The following MORC4 variants were observed in gnomAD, a reference collection of about 807,000 sequenced individuals.
MORC4 encodes MORC family CW-type zinc finger 4.
A neutral mutation model predicts 65.5 loss-of-function variants in MORC4; 22 were observed. The ratio of observed to expected loss-of-function variants is 0.34; its 90% CI spans 0.24 to 0.48. MORC4 has a LOEUF of 0.48. Among genes scored for constraint, MORC4 ranks in the 20% least tolerant of loss-of-function variants. The pLI is 0.99. For missense variants in MORC4, 624 were observed against 703.0 expected (o/e 0.89, Z 1.27); for synonymous variants, 267 against 255.8 (o/e 1.04, Z -0.42).
intron 2 of MORC4, among the ~76,000 whole-genome samples, chrX:106,998,940 A>G (rs1442604217): frequency 8.9e-6 from 1 of 112,377 alleles, no homozygotes; most frequent in African/African-American, 3.2e-5. Flanking sequence ...CGATTTTCAA[A>G]GCATGTATAA....
intron 9 of MORC4, among the ~76,000 whole-genome samples, chrX:106,964,492 C>A (rs915342161): frequency 1.8e-5 from 2 of 111,421 alleles, no homozygotes; most frequent in Non-Finnish European, 3.8e-5. Flanking sequence ...AAAAACTTCT[C>A]AAATTTGATG....
intron 2 of MORC4, among the ~76,000 whole-genome samples, chrX:106,994,186 A>G (rs1935033208): frequency 8.9e-6 from 1 of 111,938 alleles, no homozygotes; most frequent in African/African-American, 3.2e-5. Flanking sequence ...CACGTCCACA[A>G]CCCCAGGGGG....
chrX:106,974,017 T>C (rs1934575020), intron 9 of MORC4, among the ~76,000 whole-genome samples: 1 of 111,902 alleles, frequency 8.9e-6, no homozygotes, highest in Non-Finnish European at 1.9e-5. Context: ...TTCTGTGGTT[T>C]ATAGACAGAA....
Position 106,941,364 on chromosome X carries a change from G to GCATATAAGGCACTCTCTCA in MORC4, c.*114_*115insTGAGAGAGTGCCTTATATG. ...GAGATTCTCTATATAAGGCATAAAG[G>GCATATAAGGCACTCTCTCA]TGAGGGTGAGAGAGAGAGAGAGAGA... On this transcript the variant is annotated 3_prime_UTR_variant, in exon 17 of 17. Coordinates refer to ENST00000355610, the MANE Select transcript of MORC4 (RefSeq NM_024657.5). The GCATATAAGGCACTCTCTCA allele has an allele frequency of 2.1e-6, 1 of 474,908 alleles. No homozygotes were observed. 39.1% of individuals were successfully genotyped at this position (474,908 alleles called of 1,213,427 possible). A position where few individuals can be genotyped will look rare whatever the true frequency, so the allele number is the denominator to read the frequency against.
At chrX:106,986,590 T>A (rs907938348) in intron 3 of MORC4, among the ~76,000 whole-genome samples, 2 of 111,593 alleles carry the variant, frequency 1.8e-5, no homozygotes, top group African/African-American at 6.5e-5. Context: ...GTGAAAAATG[T>A]AGTTATCTAG....
chrX:106,952,226 A>G (rs1402459817), intron 14 of MORC4, among the ~76,000 whole-genome samples: 7 of 110,920 alleles, frequency 6.3e-5, no homozygotes, highest in African/African-American at 2.3e-4. Flanking sequence ...CAATTTCCTC[A>G]TCGTGCAAAC....
chrX:106,987,229 G>A (rs1332174009), intron 3 of MORC4, among the ~76,000 whole-genome samples: 1 of 111,006 alleles, frequency 9.0e-6, no homozygotes, highest in East Asian at 2.8e-4. Context: ...GAGTTCCAAT[G>A]TTACCAACAT....
intron 14 of MORC4, 32 bp downstream of exon 14, chrX:106,954,881 A>C: frequency 8.5e-7 from 1 of 1,170,318 alleles, no homozygotes; most frequent in South Asian, 1.9e-5. Context: ...TCTAAAGCTT[A>C]CTATTGACAA....
chrX:106,948,387 C>T (rs1018602285), intron 14 of MORC4, among the ~76,000 whole-genome samples: 3 of 111,399 alleles, frequency 2.7e-5, no homozygotes, highest in Non-Finnish European at 3.8e-5. Flanking sequence ...ATAAGCACAA[C>T]GATAAATCAA....
At chrX:106,972,725 G>A (rs1423642020) in intron 9 of MORC4, among the ~76,000 whole-genome samples, 1 of 111,767 alleles carries the variant, frequency 8.9e-6, no homozygotes, top group African/African-American at 3.3e-5. Context: ...GATCACCTGA[G>A]GTCGGGAGTT....
intron 9 of MORC4, among the ~76,000 whole-genome samples, chrX:106,966,155 T>C (rs1411288192): frequency 8.9e-6 from 1 of 112,180 alleles, no homozygotes; most frequent in African/African-American, 3.2e-5. Context: ...CCCATCCAGA[T>C]TGCAAAATAT....
At chrX:106,993,714 A>G (rs1012116578) in intron 2 of MORC4, among the ~76,000 whole-genome samples, 1 of 112,405 alleles carries the variant, frequency 8.9e-6, no homozygotes, top group African/African-American at 3.2e-5. Flanking sequence ...TAGCCCCTTT[A>G]CTGTTTGTAT....
chrX:106,995,896 G>A (rs1023087258), intron 2 of MORC4, among the ~76,000 whole-genome samples: 1 of 112,548 alleles, frequency 8.9e-6, no homozygotes, highest in African/African-American at 3.2e-5. Context: ...CATGAATTGT[G>A]TTGGGACTGA....
intron 14 of MORC4, among the ~76,000 whole-genome samples, chrX:106,947,784 T>C (rs2147804022): frequency 9.6e-6 from 1 of 103,961 alleles, no homozygotes; most frequent in East Asian, 3.2e-4. Context: ...ATGTAATAAG[T>C]ACACTCACAT....
At chrX:106,970,061 C>T (rs561155629) in intron 9 of MORC4, among the ~76,000 whole-genome samples, 2 of 111,661 alleles carry the variant, frequency 1.8e-5, no homozygotes, top group African/African-American at 6.5e-5. Context: ...TGATGAACAT[C>T]GATGTGAAAA....
chrX:106,949,367 T>A (rs1248726648), intron 14 of MORC4, among the ~76,000 whole-genome samples: 1 of 112,270 alleles, frequency 8.9e-6, no homozygotes, highest in African/African-American at 3.2e-5. Context: ...ATAAATCCAA[T>A]ATCTGAATCT....
chrX:106,951,640 A>G (rs1385477157), intron 14 of MORC4, among the ~76,000 whole-genome samples: 1 of 111,426 alleles, frequency 9.0e-6, no homozygotes. Flanking sequence ...AAGTGCTGGT[A>G]TAAGAGGCGT....
chrX:106,974,180 G>A (rs2147817765), intron 9 of MORC4, among the ~76,000 whole-genome samples: 1 of 111,651 alleles, frequency 9.0e-6, no homozygotes, highest in East Asian at 2.8e-4. Context: ...GCCTGTTTTT[G>A]TAAACAAAAT....
intron 2 of MORC4, among the ~76,000 whole-genome samples, chrX:106,994,991 T>C (rs1193236257): frequency 8.9e-6 from 1 of 111,962 alleles, no homozygotes; most frequent in East Asian, 2.8e-4. Context: ...ATTTCTTTTG[T>C]TGGGAACATT....
Sources: allele counts gnomAD v4.1 joint callset (sites outside exome capture counted in the v4.1 genomes callset), GRCh38; gene constraint gnomAD v4.1.1; transcripts MANE v1.5; gene names NCBI Gene and HGNC (gene_info 2026-07-23, HGNC 2026-07-21).